DNAH14: variants seen among roughly 807,000 people sequenced by gnomAD.
The protein encoded by DNAH14 is axonemal beta dynein heavy chain 14.
DNAH14 carries 478 observed loss-of-function variants against 520.9 expected under a neutral mutation model. That is an observed-to-expected ratio of 0.92 (90% CI 0.85 to 0.99). The LOEUF (loss-of-function observed/expected upper bound fraction) is 0.99. Among genes scored for constraint, DNAH14 ranks in the 50% least tolerant of loss-of-function variants. DNAH14 has a pLI of 0.00. For synonymous variants in DNAH14, 1,581 were observed against 1,757.2 expected (o/e 0.90, Z 2.51); for missense variants, 4,831 against 5,234.5 (o/e 0.92, Z 2.38).
intron 54 of DNAH14, among the ~76,000 whole-genome samples, chr1:225,281,889 T>C (rs2093633929): frequency 6.6e-6 from 1 of 152,202 alleles, no homozygotes; most frequent in Non-Finnish European, 1.5e-5. Context: ...AGAACTCATG[T>C]ACAGTATGAT....
Position 225,289,969 on chromosome 1 carries a change from T to A in DNAH14, c.8356T>A (p.Ser2786Thr). ...TDNKLYRVPI[S>T]HKCAYIEFKE... ...TAATAAACTATACCGAGTGCCTATA[T>A]CTCACAAATGTGCCTACATCGAATT... The change falls in exon 55 of 86, where the codon TCT becomes ACT. Residue 2786 changes from serine to threonine, a missense_variant. By Grantham distance (58) the Ser-to-Thr change is moderately conservative. Coordinates refer to ENST00000682510, the MANE Select transcript of DNAH14 (RefSeq NM_001367479.1). 1 of 1,542,710 alleles carries A rather than the reference T, an allele frequency of 6.5e-7. No individual in the cohort carries two copies. Among genetic ancestry groups the A allele is most frequent in the Non-Finnish European group, 8.8e-7 (1 of 1,142,406 alleles).
At chr1:225,245,329 G>C (rs2149669224) in intron 43 of DNAH14, among the ~76,000 whole-genome samples, 1 of 152,260 alleles carries the variant, frequency 6.6e-6, no homozygotes, top group East Asian at 1.9e-4. Context: ...TGTAGATTTG[G>C]GGTGGAGAGT....
At chr1:224,937,989 A>G (rs1473660655) in intron 1 of DNAH14, among the ~76,000 whole-genome samples, 1 of 152,124 alleles carries the variant, frequency 6.6e-6, no homozygotes, top group Non-Finnish European at 1.5e-5. Context: ...GGAAAGCTGG[A>G]TAACTCTATG....
intron 9 of DNAH14, 131 bp downstream of exon 9, chr1:225,003,058 A>C (rs58253035): frequency 1.2e-6 from 1 of 815,824 alleles, no homozygotes; most frequent in Admixed American, 3.7e-5. Flanking sequence ...CTACCGTTCT[A>C]AAATATCTGC....
At chr1:225,304,459 G>A (rs1288415383) in intron 57 of DNAH14, among the ~76,000 whole-genome samples, 1 of 152,058 alleles carries the variant, frequency 6.6e-6, no homozygotes, top group Admixed American at 6.5e-5. Context: ...ATGGGAGGCT[G>A]AGGCAGGAGG....
intron 41 of DNAH14, among the ~76,000 whole-genome samples, chr1:225,225,571 A>G (rs1189215771): frequency 6.6e-6 from 1 of 151,974 alleles, no homozygotes; most frequent in Admixed American, 6.6e-5. Context: ...ATATGCTCAG[A>G]AAAAAAAGGA....
chr1:225,250,441 G>A (rs1005289213), intron 43 of DNAH14, among the ~76,000 whole-genome samples: 1 of 152,200 alleles, frequency 6.6e-6, no homozygotes, highest in African/African-American at 2.4e-5. Flanking sequence ...TGTAAGCTAA[G>A]AATGATTTTT....
At chr1:224,963,168 G>A (rs1043696161) in intron 4 of DNAH14, among the ~76,000 whole-genome samples, 4 of 151,812 alleles carry the variant, frequency 2.6e-5, no homozygotes, top group Non-Finnish European at 4.4e-5. Context: ...GAAATATTTG[G>A]TATAGTAATA....
intron 43 of DNAH14, among the ~76,000 whole-genome samples, chr1:225,250,294 A>G (rs1183468933): frequency 6.6e-6 from 1 of 152,220 alleles, no homozygotes; most frequent in African/African-American, 2.4e-5. Flanking sequence ...GTGGGTATGA[A>G]ATGTATCTCA....
intron 53 of DNAH14, among the ~76,000 whole-genome samples, chr1:225,277,117 G>C (rs1242991109): frequency 1.0e-5 from 1 of 99,384 alleles, no homozygotes; most frequent in Admixed American, 1.0e-4. Flanking sequence ...GGGAGGGGGG[G>C]AGGGGGACGG....
intron 3 of DNAH14, among the ~76,000 whole-genome samples, chr1:224,959,711 A>G (rs1387336689): frequency 6.6e-6 from 1 of 152,148 alleles, no homozygotes; most frequent in Non-Finnish European, 1.5e-5. Context: ...GTTAATAAAC[A>G]GGGTCCTCTT....
intron 8 of DNAH14, among the ~76,000 whole-genome samples, chr1:224,991,845 G>A (rs1328550965): frequency 6.6e-6 from 1 of 152,104 alleles, no homozygotes; most frequent in Non-Finnish European, 1.5e-5. Flanking sequence ...TGTGAATAAT[G>A]CTGCAATGAA....
chr1:225,349,038 C>CAT (rs2095327647), intron 71 of DNAH14, among the ~76,000 whole-genome samples: 1 of 152,064 alleles, frequency 6.6e-6, no homozygotes, highest in African/African-American at 2.4e-5. Context: ...GTGATGGGAT[C>CAT]ATAGCTCACT....
At chr1:225,222,757 C>T (rs916313667) in intron 41 of DNAH14, among the ~76,000 whole-genome samples, 9 of 152,146 alleles carry the variant, frequency 5.9e-5, no homozygotes, top group Non-Finnish European at 8.8e-5. Context: ...CTCTCACAGC[C>T]GCTTAAAGCT....
chr1:225,071,660 A>C (rs2071560037), intron 17 of DNAH14, among the ~76,000 whole-genome samples: 1 of 152,170 alleles, frequency 6.6e-6, no homozygotes, highest in Admixed American at 6.5e-5. Context: ...GTAATTTATA[A>C]AGGAAAGAGA....
At chr1:225,253,004 A>G (rs1174413787) in intron 44 of DNAH14, among the ~76,000 whole-genome samples, 3 of 152,182 alleles carry the variant, frequency 2.0e-5, no homozygotes, top group Non-Finnish European at 4.4e-5. Flanking sequence ...TTTAATAAAT[A>G]CAAATTGAAT....
chr1:225,160,666 A>G (rs1319796065), intron 35 of DNAH14, among the ~76,000 whole-genome samples: 1 of 152,176 alleles, frequency 6.6e-6, no homozygotes, highest in African/African-American at 2.4e-5. Context: ...GTTTTAAAAT[A>G]TAGAGTTCAA....
intron 54 of DNAH14, among the ~76,000 whole-genome samples, chr1:225,280,857 G>GA (rs537729351): frequency 2.8e-4 from 43 of 152,202 alleles, no homozygotes; most frequent in African/African-American, 1.0e-3. Flanking sequence ...AAGATAAAAG[G>GA]AGGAAAAACC....
At chr1:225,172,036 T>C (rs912562121) in intron 36 of DNAH14, among the ~76,000 whole-genome samples, 1 of 152,186 alleles carries the variant, frequency 6.6e-6, no homozygotes, top group Non-Finnish European at 1.5e-5. Context: ...TCTCAATAGA[T>C]GCAGAAAAGG....
Sources: allele counts gnomAD v4.1 joint callset (sites outside exome capture counted in the v4.1 genomes callset), GRCh38; gene constraint gnomAD v4.1.1; transcripts MANE v1.5; gene names NCBI Gene and HGNC (gene_info 2026-07-23, HGNC 2026-07-21).